The following BBOX1 variants were observed in gnomAD, a reference collection of about 807,000 sequenced individuals.
BBOX1 encodes gamma-butyrobetaine dioxygenase.
A neutral mutation model predicts 41.6 loss-of-function variants in BBOX1; 35 were observed. That is an observed-to-expected ratio of 0.84 (90% CI 0.64 to 1.11). The LOEUF is 1.11. Ranked by LOEUF, BBOX1 falls within the 50% of genes most tolerant of loss-of-function variation. BBOX1 has a pLI of 0.00. For synonymous variants in BBOX1, 163 were observed against 154.7 expected, an observed-to-expected ratio of 1.05 and a Z score of -0.40; for missense variants, 458 against 460.6, an observed-to-expected ratio of 0.99 and a Z score of 0.05.
At chr11:27,063,314 T>G (rs911761369) in intron 4 of BBOX1, among the ~76,000 whole-genome samples, 6 of 152,268 alleles carry the variant, frequency 3.9e-5, no homozygotes, top group African/African-American at 1.4e-4. Context: ...CGTGAAATTT[T>G]GGCATAATTA....
intron 2 of BBOX1, among the ~76,000 whole-genome samples, chr11:27,053,104 G>A (rs1221459886): frequency 6.6e-6 from 1 of 152,002 alleles, no homozygotes; most frequent in Non-Finnish European, 1.5e-5. Flanking sequence ...AAACCGATAT[G>A]CATTCAGCAA....
At chr11:27,113,942 T>C (rs939264359) in intron 5 of BBOX1, among the ~76,000 whole-genome samples, 5 of 151,700 alleles carry the variant, frequency 3.3e-5, no homozygotes, top group Admixed American at 2.6e-4. Context: ...GGCATCCAAG[T>C]GAGAAATAAA....
chr11:27,043,218 C>T (rs1481105824), intron 2 of BBOX1, among the ~76,000 whole-genome samples: 1 of 152,126 alleles, frequency 6.6e-6, no homozygotes. Context: ...CGCCCGCCAC[C>T]ACGCCCGGCT....
chr11:27,088,539 C>A (rs1481065425), intron 4 of BBOX1, among the ~76,000 whole-genome samples: 1 of 151,956 alleles, frequency 6.6e-6, no homozygotes, highest in African/African-American at 2.4e-5. Flanking sequence ...TATCTTTAAA[C>A]ACCCATGCTT....
At position 27,041,343 on chromosome 11, in the gene BBOX1, G is replaced by A. The variant is rs1851343754; in HGVS notation, c.-174G>A. The A allele has an allele frequency of 6.6e-6, 1 of 152,050 alleles. No homozygotes were observed. The highest frequency in any genetic ancestry group is 2.4e-5 in the African/African-American group (1 of 41,408). The allele number at this position is 152,050 out of a possible 1,614,324, so 9.4% of individuals were successfully genotyped here. A position where few individuals can be genotyped will look rare whatever the true frequency, so the allele number is the denominator to read the frequency against. ...GGGCAGGGCCACAGTGAAACTGCCA[G>A]GAGCAAAAAGGCTTCCAAGAAAAAG... On this transcript the variant is annotated 5_prime_UTR_variant, in exon 2 of 9. Coordinates refer to ENST00000263182, the MANE Select transcript of BBOX1 (RefSeq NM_003986.3).
In BBOX1 at chr11:27,125,434, C is replaced by A. The variant is rs1859617252; in HGVS notation, c.837-220C>A. On this transcript the variant is annotated intron_variant, in intron 7 of 8. Transcript: ENST00000263182. ...TACTTATTTTAATTTAAGTTGAGTTCTCCTGGTACTGAGGTAGTAAGATTT... is the reference window on the plus strand; with the variant it reads ...TACTTATTTTAATTTAAGTTGAGTTATCCTGGTACTGAGGTAGTAAGATTT... 2.0e-5 allele frequency among the ~76,000 whole-genome samples: 3 copies of A among 151,828 alleles called. 1 individual carries two copies. The highest frequency in any genetic ancestry group is 7.2e-5 in the African/African-American group (3 of 41,410).
At chr11:27,100,014 G>A (rs1396111126) in intron 5 of BBOX1, among the ~76,000 whole-genome samples, 1 of 152,092 alleles carries the variant, frequency 6.6e-6, no homozygotes, top group Non-Finnish European at 1.5e-5. Flanking sequence ...TGGCCTCTGG[G>A]AAGTACAACT....
chr11:27,078,396 T>G (rs1900063), intron 4 of BBOX1, among the ~76,000 whole-genome samples: 2 of 152,128 alleles, frequency 1.3e-5, no homozygotes, highest in African/African-American at 2.4e-5. Context: ...AATGTATACA[T>G]GTACCATAGT....
chr11:27,101,964 T>G (rs1422788164), intron 5 of BBOX1, among the ~76,000 whole-genome samples: 1 of 152,088 alleles, frequency 6.6e-6, no homozygotes, highest in African/African-American at 2.4e-5. Flanking sequence ...TAACCAAATG[T>G]TTCTACCATT....
chr11:27,108,387 A>G (rs545434975), intron 5 of BBOX1, among the ~76,000 whole-genome samples: 11 of 152,264 alleles, frequency 7.2e-5, no homozygotes, highest in Non-Finnish European at 1.5e-4. Flanking sequence ...GTCATTTCCT[A>G]TTGATCGTGC....
chr11:27,048,756 T>TC lies in BBOX1; in HGVS notation c.-38-6637_-38-6636insC, dbSNP rs1433428853. On this transcript the variant is annotated intron_variant, in intron 2 of 8. Coordinates refer to ENST00000263182, the MANE Select transcript of BBOX1 (RefSeq NM_003986.3). ...ACTGCTGGAATGGTAGTTCTTTTTT[T>TC]TTTTTTTTTTATACTTTAAGTTTTA... 5.3e-5 allele frequency among the ~76,000 whole-genome samples: 8 copies of TC among 151,086 alleles called. 1 individual carries two copies. In the South Asian group the frequency reaches 1.3e-3, roughly 24 times the overall value.
At chr11:27,085,670 C>T (rs1214404526) in intron 4 of BBOX1, among the ~76,000 whole-genome samples, 1 of 151,804 alleles carries the variant, frequency 6.6e-6, no homozygotes, top group African/African-American at 2.4e-5. Flanking sequence ...ACCTCTAAGT[C>T]TTTCAGTGAA....
rs564463227 is a variant in BBOX1, at chr11:27,040,955, G to C, written c.-375G>C. 1 of 152,288 alleles carries C rather than the reference G, an allele frequency of 6.6e-6. No homozygotes were observed. Among genetic ancestry groups the C allele is most frequent in the African/African-American group, 2.4e-5 (1 of 41,574 alleles). The allele number at this position is 152,288 out of a possible 1,614,324, so 9.4% of individuals were successfully genotyped here. On this transcript the variant is annotated 5_prime_UTR_variant, in exon 1 of 9. Transcript: ENST00000263182. Reference sequence around the variant, plus strand: ...AATAAATGAGCTGTCACTCTGAACAGGTGGGAAAGAAGTGAACTGCTTGTT... The same window carrying C: ...AATAAATGAGCTGTCACTCTGAACACGTGGGAAAGAAGTGAACTGCTTGTT...
In BBOX1 at chr11:27,055,418, GA is replaced by G. The variant is rs1231528304; in HGVS notation, c.-11del. 6.2e-7 allele frequency: 1 copy of G among 1,611,110 alleles called. No homozygotes were observed. Among genetic ancestry groups the G allele is most frequent in the Non-Finnish European group, 8.5e-7 (1 of 1,178,568 alleles). On this transcript the variant is annotated 5_prime_UTR_variant, in exon 3 of 9. Transcript: ENST00000263182. ...CAGGTAGCTGACAGCATCTACTCCT[GA>G]AGACCGGAAACATGGCTTGTACCAT...
chr11:27,042,159 C>T (rs577584671), intron 2 of BBOX1, among the ~76,000 whole-genome samples: 64 of 152,260 alleles, frequency 4.2e-4, no homozygotes, highest in Non-Finnish European at 7.8e-4. Context: ...CAGTACTTTG[C>T]ATTACATCAG....
At chr11:27,108,270 T>C (rs1858934641) in intron 5 of BBOX1, among the ~76,000 whole-genome samples, 1 of 152,052 alleles carries the variant, frequency 6.6e-6, no homozygotes, top group African/African-American at 2.4e-5. Flanking sequence ...AGTTTTTGGC[T>C]AGAGTAAAAT....
chr11:27,122,823 G>C (rs1422313294), intron 7 of BBOX1, among the ~76,000 whole-genome samples: 1 of 151,840 alleles, frequency 6.6e-6, no homozygotes, highest in Non-Finnish European at 1.5e-5. Flanking sequence ...CATTGATAAT[G>C]TTTTGCTTTT....
rs140017220 is a variant in BBOX1 at position 27,079,905 on chromosome 11, C to T, written c.335-13263C>T. On this transcript the variant is annotated intron_variant, in intron 4 of 8. Coordinates refer to ENST00000263182, the MANE Select transcript of BBOX1 (RefSeq NM_003986.3). ...AACTTATTAGAAAGTTATATTTGCT[C>T]TATCATCAAAATAAATCAGAATCCA... is the stretch of plus-strand genomic sequence containing the variant. 3.2e-4 allele frequency among the ~76,000 whole-genome samples: 48 copies of T among 152,186 alleles called. No homozygotes were observed. In the East Asian group the frequency reaches 9.1e-3, roughly 29 times the overall value.
chr11:27,111,484 C>T (rs1859061293), intron 5 of BBOX1, among the ~76,000 whole-genome samples: 1 of 151,830 alleles, frequency 6.6e-6, no homozygotes, highest in Admixed American at 6.6e-5. Flanking sequence ...CATGTACCCC[C>T]AAAAATTAAA....
Sources: gnomAD v4.1 joint callset for allele counts (sites outside exome capture counted in the v4.1 genomes callset) on GRCh38, gnomAD v4.1.1 for gene constraint, MANE v1.5 for transcripts, NCBI Gene and HGNC (gene_info 2026-07-23, HGNC 2026-07-21) for gene names.